Variants in ATP8B4 observed in about 807,000 individuals in gnomAD.
ATP8B4 encodes probable phospholipid-transporting ATPase IM.
Under a neutral mutation model 145.6 loss-of-function variants are expected in ATP8B4, and 133 were observed. That is an observed-to-expected ratio of 0.91 (90% CI 0.79 to 1.05). The LOEUF (loss-of-function observed/expected upper bound fraction) is 1.05. Ranked by LOEUF, ATP8B4 falls within the 50% of genes least tolerant of loss-of-function variation. The probability of loss-of-function intolerance (pLI) is 0.00; values close to 1 mark genes in which losing one functional copy is unlikely to be tolerated. For synonymous variants in ATP8B4, 507 were observed against 492.9 expected (o/e 1.03, Z -0.38); for missense variants, 1,458 against 1,425.2 (o/e 1.02, Z -0.37).
At chr15:49,950,611 C>CAAAAAAAAA (rs1316878072) in intron 14 of ATP8B4, among the ~76,000 whole-genome samples, 1 of 107,200 alleles carries the variant, frequency 9.3e-6, no homozygotes, top group African/African-American at 4.9e-5. Flanking sequence ...AACAAACAAA[C>CAAAAAAAAA]AAACAAACAA....
chr15:49,858,876 T>C lies in ATP8B4; in HGVS notation c.*1318A>G, dbSNP rs2031142320. Reference sequence around the variant, plus strand: ...TTAACTGGAACTTAACTCATCTGTTTATGAAATAATTATGTTTTTAATAAT... The same window carrying C: ...TTAACTGGAACTTAACTCATCTGTTCATGAAATAATTATGTTTTTAATAAT... On this transcript the variant is annotated 3_prime_UTR_variant, in exon 28 of 28. Coordinates refer to ENST00000284509, the MANE Select transcript of ATP8B4 (RefSeq NM_024837.4). 1 of 152,256 alleles carries C rather than the reference T, an allele frequency of 6.6e-6. No homozygotes were observed. The highest frequency in any genetic ancestry group is 2.1e-4 in the South Asian group (1 of 4,836). The allele number at this position is 152,256 out of a possible 1,614,324, so 9.4% of individuals were successfully genotyped here.
chr15:49,903,349 C>T (rs1566958772), intron 20 of ATP8B4, among the ~76,000 whole-genome samples: 1 of 152,166 alleles, frequency 6.6e-6, no homozygotes. Flanking sequence ...ATAACAAATG[C>T]TAAAACAAAA....
chr15:49,876,204 A>T, intron 25 of ATP8B4, 74 bp downstream of exon 25: 2 of 1,540,994 alleles, frequency 1.3e-6, no homozygotes, highest in Non-Finnish European at 1.8e-6. Flanking sequence ...CAACAAGTAG[A>T]CAAAATCAAT....
At chr15:50,002,885 C>A (rs543086228) in intron 7 of ATP8B4, among the ~76,000 whole-genome samples, 30 of 152,148 alleles carry the variant, frequency 2.0e-4, no homozygotes, top group Non-Finnish European at 2.1e-4. Flanking sequence ...CAGTTCTATT[C>A]TGATGTCCAA....
intron 25 of ATP8B4, among the ~76,000 whole-genome samples, chr15:49,867,802 A>G (rs948394710): frequency 2.0e-5 from 3 of 152,260 alleles, no homozygotes; most frequent in Non-Finnish European, 4.4e-5. Flanking sequence ...ACAGAAAAAA[A>G]TAATCTGAAA....
intron 8 of ATP8B4, among the ~76,000 whole-genome samples, chr15:50,001,333 G>A (rs1440958360): frequency 6.6e-6 from 1 of 152,066 alleles, no homozygotes; most frequent in Non-Finnish European, 1.5e-5. Flanking sequence ...AGTTGTGTCT[G>A]AACTGTTCTG....
chr15:50,088,184 G>C (rs12441604), intron 2 of ATP8B4, among the ~76,000 whole-genome samples: 13 of 151,816 alleles, frequency 8.6e-5, no homozygotes, highest in Non-Finnish European at 4.4e-5. Flanking sequence ...GCAGAAGCTC[G>C]AGACCAGCCT....
chr15:50,134,212 G>A (rs978500697), intron 1 of ATP8B4, among the ~76,000 whole-genome samples: 2 of 152,080 alleles, frequency 1.3e-5, no homozygotes, highest in African/African-American at 4.8e-5. Flanking sequence ...AAAATAGACT[G>A]TCAAAAGTAA....
intron 24 of ATP8B4, among the ~76,000 whole-genome samples, chr15:49,878,431 T>C (rs1307990334): frequency 6.6e-6 from 1 of 152,232 alleles, no homozygotes; most frequent in Non-Finnish European, 1.5e-5. Flanking sequence ...TGAAGATTTA[T>C]ATTTTGCAAT....
intron 5 of ATP8B4, among the ~76,000 whole-genome samples, chr15:50,039,511 G>A (rs1370501455): frequency 1.3e-5 from 2 of 152,094 alleles, no homozygotes; most frequent in African/African-American, 4.8e-5. Flanking sequence ...AGTCATTCAG[G>A]TAAGTCTTCC....
intron 14 of ATP8B4, among the ~76,000 whole-genome samples, chr15:49,947,133 A>C (rs2042632277): frequency 6.6e-6 from 1 of 152,158 alleles, no homozygotes; most frequent in Non-Finnish European, 1.5e-5. Context: ...CACACTGAAA[A>C]TTAGAAAACA....
At chr15:49,888,377 A>G (rs960893370) in intron 23 of ATP8B4, among the ~76,000 whole-genome samples, 11 of 152,174 alleles carry the variant, frequency 7.2e-5, no homozygotes, top group Admixed American at 7.2e-4. Flanking sequence ...ACAGAACTAA[A>G]GTTTTTCCAG....
At chr15:50,023,190 T>C (rs1237301976) in intron 6 of ATP8B4, among the ~76,000 whole-genome samples, 1 of 152,236 alleles carries the variant, frequency 6.6e-6, no homozygotes, top group African/African-American at 2.4e-5. Flanking sequence ...GACCTTATGG[T>C]CTTATTTATA....
intron 20 of ATP8B4, among the ~76,000 whole-genome samples, chr15:49,908,660 A>G (rs1042481531): frequency 3.3e-5 from 5 of 152,106 alleles, no homozygotes; most frequent in Non-Finnish European, 5.9e-5. Flanking sequence ...GCAAAGTGTC[A>G]TTTTGAGAGC....
Position 49,898,258 on chromosome 15 carries a change from G to C in ATP8B4, c.2290-7C>G. ...CACTTTCTAGGGCATGAGCCTGTAT[G>C]ATTAAAAATAAAATTCAAACAAGAA... On this transcript the variant is annotated splice_region_variant and splice_polypyrimidine_tract_variant and intron_variant, in intron 21 of 27. Transcript: ENST00000284509. 2 of 1,605,252 alleles carry C rather than the reference G, an allele frequency of 1.2e-6. No individual in the cohort carries two copies. The highest frequency in any genetic ancestry group is 1.7e-6 in the Non-Finnish European group (2 of 1,174,134).
chr15:50,127,897 T>C (rs925882942), intron 1 of ATP8B4, among the ~76,000 whole-genome samples: 7 of 152,212 alleles, frequency 4.6e-5, no homozygotes, highest in Admixed American at 1.3e-4. Flanking sequence ...TGCCTCACTG[T>C]GGTTCTGCAC....
At chr15:50,057,863 T>G (rs2052717515) in intron 3 of ATP8B4, among the ~76,000 whole-genome samples, 1 of 152,192 alleles carries the variant, frequency 6.6e-6, no homozygotes, top group Non-Finnish European at 1.5e-5. Context: ...CAAATTAAAT[T>G]TCCCTCTGAG....
chr15:49,917,437 A>G (rs1401018820), intron 19 of ATP8B4, among the ~76,000 whole-genome samples: 1 of 152,214 alleles, frequency 6.6e-6, no homozygotes, highest in African/African-American at 2.4e-5. Context: ...CCAATATTTA[A>G]TTCTGAAATG....
chr15:49,919,759 C>T (rs1470590920), intron 18 of ATP8B4, among the ~76,000 whole-genome samples: 2 of 152,088 alleles, frequency 1.3e-5, no homozygotes, highest in Non-Finnish European at 2.9e-5. Context: ...CTCTCTAGTA[C>T]CTCACAGTGG....
Sources: allele counts gnomAD v4.1 joint callset (sites outside exome capture counted in the v4.1 genomes callset), GRCh38; gene constraint gnomAD v4.1.1; transcripts MANE v1.5; gene names NCBI Gene and HGNC (gene_info 2026-07-23, HGNC 2026-07-21).